PLA2G2E: variants seen among roughly 807,000 people sequenced by gnomAD.
PLA2G2E encodes the protein phospholipase A2 group IIE, also known as group IIE secretory phospholipase A2.
In PLA2G2E, 14 loss-of-function variants were observed where a neutral mutation model predicts 16.5. The ratio of observed to expected loss-of-function variants is 0.85; its 90% CI spans 0.56 to 1.33. PLA2G2E has a LOEUF of 1.33. Ranked by LOEUF, PLA2G2E falls within the 40% of genes most tolerant of loss-of-function variation. The pLI is 0.00. For missense variants in PLA2G2E, 174 were observed against 190.7 expected, an observed-to-expected ratio of 0.91 and a Z score of 0.52; for synonymous variants, 72 against 77.2, an observed-to-expected ratio of 0.93 and a Z score of 0.36.
chr1:19,920,508 C>G lies in PLA2G2E; in HGVS notation c.287-59G>C. On this transcript the variant is annotated intron_variant, in intron 3 of 3. Coordinates refer to ENST00000375116, the MANE Select transcript of PLA2G2E (RefSeq NM_014589.3). This position sits in a 1 kb window ranked among gnomAD's most constrained non-coding sequence, Gnocchi z 4.3. Reference sequence around the variant, plus strand: ...AGCTCAGGATATGTGTGGGACAGCTCTTGGCTGCTTCTGGGTCCACGTTCT... The same window carrying G: ...AGCTCAGGATATGTGTGGGACAGCTGTTGGCTGCTTCTGGGTCCACGTTCT... 5.1e-6 allele frequency: 8 copies of G among 1,560,320 alleles called. No individual in the cohort carries two copies. Among genetic ancestry groups the G allele is most frequent in the Non-Finnish European group, 6.1e-6 (7 of 1,146,240 alleles).
In PLA2G2E at chr1:19,923,526, G is replaced by A. The variant is rs2045835714; in HGVS notation, c.34C>T (p.Leu12Phe). The A allele has an allele frequency of 1.3e-6, 2 of 1,550,136 alleles. No individual in the cohort carries two copies. Among genetic ancestry groups the A allele is most frequent in the Admixed American group, 2.0e-5 (1 of 50,830 alleles). The change falls in exon 1 of 4, where the codon CTC (leucine) becomes TTC (phenylalanine). Residue 12 changes from leucine (L) to phenylalanine (F), a missense_variant. By Grantham distance (22) the Leu-to-Phe change is conservative. Coordinates refer to ENST00000375116, the MANE Select transcript of PLA2G2E (RefSeq NM_014589.3). The part of the protein sequence containing the change: ...KSPHVLVFLC[L>F]LVALVTGNLV... Reference sequence around the variant, plus strand: ...GGTCACAAAGATCACTTACCCAGGAGGCAAAGGAACACCAGCACGTGGGGA... The same window carrying A: ...GGTCACAAAGATCACTTACCCAGGAAGCAAAGGAACACCAGCACGTGGGGA...
At position 19,920,285 on chromosome 1, in the gene PLA2G2E, G is replaced by C. The variant is rs572386401; in HGVS notation, c.*22C>G. 170 of 1,585,158 alleles carry C rather than the reference G, an allele frequency of 1.1e-4. No homozygotes were observed. The highest frequency in any genetic ancestry group is 1.9e-4 in the African/African-American group (14 of 74,246). On this transcript the variant is annotated 3_prime_UTR_variant, in exon 4 of 4. Coordinates refer to ENST00000375116, the MANE Select transcript of PLA2G2E (RefSeq NM_014589.3). The surrounding 1 kb of genome is among the most constrained non-coding windows in gnomAD (Gnocchi z 4.3). Reference sequence around the variant, plus strand: ...AGCCCGAGGCGGGACCTCCAGGGACGGGGGGGAGGCCGAGCATAGCCTCAG... The same window carrying C: ...AGCCCGAGGCGGGACCTCCAGGGACCGGGGGGAGGCCGAGCATAGCCTCAG...
In PLA2G2E at chr1:19,922,304, A is replaced by C. The variant is rs1229427351; in HGVS notation, c.280T>G (p.Phe94Val). ...TTCAGGGCTCTCCACCTACCGCAGA[A>C]AATGCCACGTTCGCTGACAGAGAAA... Reference protein sequence around the residue: ...YLFSVSERGIFCAGRTTCQRL... With the variant: ...YLFSVSERGIVCAGRTTCQRL... Residue 94 changes from phenylalanine to valine, a missense_variant, in exon 3 of 4, where the codon TTC becomes GTC. Physicochemically the swap from Phe to Val is conservative, Grantham distance 50 (BLOSUM62 -1). Coordinates refer to ENST00000375116, the MANE Select transcript of PLA2G2E (RefSeq NM_014589.3). 2 of 1,613,368 alleles carry C rather than the reference A, an allele frequency of 1.2e-6. No homozygotes were observed.
In PLA2G2E at chr1:19,922,313, G is replaced by A. The variant is rs559232898; in HGVS notation, c.271C>T (p.Arg91Cys). Residue 91 changes from arginine (R) to cysteine (C), a missense_variant, in exon 3 of 4, where the codon CGT becomes TGT. By Grantham distance (180) the Arg-to-Cys change is radical. Transcript: ENST00000375116. ...LEKYLFSVSE[R>C]GIFCAGRTTC... ...CTCCACCTACCGCAGAAAATGCCAC[G>A]TTCGCTGACAGAGAAAAGATACTTT... The A allele has an allele frequency of 6.8e-6, 11 of 1,613,626 alleles. No individual in the cohort carries two copies. Among genetic ancestry groups the A allele is most frequent in the Middle Eastern group, 1.7e-4 (1 of 6,060 alleles).
intron 3 of PLA2G2E, 25 bp downstream of exon 3, chr1:19,922,273 G>A: frequency 2.6e-6 from 4 of 1,545,440 alleles, no homozygotes; most frequent in East Asian, 2.2e-5. Context: ...AGGGTGTCTA[G>A]GTCACTTCAG....
chr1:19,921,263 T>C (rs1015908325), intron 3 of PLA2G2E, among the ~76,000 whole-genome samples: 12 of 152,186 alleles, frequency 7.9e-5, no homozygotes, highest in Non-Finnish European at 1.0e-4. Flanking sequence ...TGGAAGGGAC[T>C]CTTAACGCCG....
In PLA2G2E at chr1:19,920,345, G is replaced by A; in HGVS notation, c.391C>T (p.Pro131Ser). The A allele has an allele frequency of 6.2e-7, 1 of 1,613,502 alleles. No individual in the cohort carries two copies. The highest frequency in any genetic ancestry group is 8.5e-7 in the Non-Finnish European group (1 of 1,179,848). The change falls in exon 4 of 4, where the codon CCC becomes TCC. Residue 131 changes from proline to serine, a missense_variant. Coordinates refer to ENST00000375116, the MANE Select transcript of PLA2G2E (RefSeq NM_014589.3). The surrounding 1 kb of genome is among the most constrained non-coding windows in gnomAD (Gnocchi z 4.3). Reference sequence around the variant, plus strand: ...GTGGGCCCGGTGCACAGCTTGTTGGGATAATGGGCATATTTGCGGTTGTAG... The same window carrying A: ...GTGGGCCCGGTGCACAGCTTGTTGGAATAATGGGCATATTTGCGGTTGTAG... The part of the protein sequence containing the change: ...GTYNRKYAHY[P>S]NKLCTGPTPP...
intron 1 of PLA2G2E, 94 bp from the exon 2 acceptor site, chr1:19,922,849 T>G: frequency 7.0e-7 from 1 of 1,436,408 alleles, no homozygotes; most frequent in Non-Finnish European, 9.5e-7. Flanking sequence ...CAGGCATCTC[T>G]CCAGTTGTCC....
chr1:19,920,283 A>AC lies in PLA2G2E; in HGVS notation c.*23dup. On this transcript the variant is annotated 3_prime_UTR_variant, in exon 4 of 4. Transcript: ENST00000375116. This position sits in a 1 kb window ranked among gnomAD's most constrained non-coding sequence, Gnocchi z 4.3. ...GCAGCCCGAGGCGGGACCTCCAGGG[A>AC]CGGGGGGGAGGCCGAGCATAGCCTC... 5.0e-6 allele frequency: 8 copies of AC among 1,599,178 alleles called. No individual in the cohort carries two copies. Among genetic ancestry groups the AC allele is most frequent in the Non-Finnish European group, 6.8e-6 (8 of 1,170,538 alleles).
intron 1 of PLA2G2E, 151 bp downstream of exon 1, chr1:19,923,369 A>C: frequency 1.5e-6 from 1 of 650,426 alleles, no homozygotes; most frequent in Non-Finnish European, 2.6e-6. Context: ...CTCAGGCAAA[A>C]CTGGCCTCAG....
In PLA2G2E at chr1:19,920,321, T is replaced by G; in HGVS notation, c.415A>C (p.Thr139Pro). The change falls in exon 4 of 4, where the codon ACC becomes CCC. Residue 139 changes from threonine to proline, a missense_variant. Thr to Pro is a conservative substitution (Grantham distance 38). Transcript: ENST00000375116. The surrounding 1 kb of genome is among the most constrained non-coding windows in gnomAD (Gnocchi z 4.3). ...CGAGCATAGCCTCAGCAGGGCGGGG[T>G]GGGCCCGGTGCACAGCTTGTTGGGA... Reference protein sequence around the residue: ...HYPNKLCTGPTPPC With the variant: ...HYPNKLCTGPPPPC 6.2e-7 allele frequency: 1 copy of G among 1,611,286 alleles called. No homozygotes were observed. The highest frequency in any genetic ancestry group is 8.5e-7 in the Non-Finnish European group (1 of 1,179,388).
Position 19,920,742 on chromosome 1 carries a change from C to A in PLA2G2E, c.287-293G>T, listed in dbSNP as rs1233836557. Among the ~76,000 whole-genome samples the A allele has an allele frequency of 6.6e-6, 1 of 152,174 alleles. No homozygotes were observed. Among genetic ancestry groups the A allele is most frequent in the African/African-American group, 2.4e-5 (1 of 41,460 alleles). ...TTAGGGACACCACGTGGTTCCCTAA[C>A]TCTCACTGCCCCCGACCAGGGGGAT... is the stretch of plus-strand genomic sequence containing the variant. On this transcript the variant is annotated intron_variant, in intron 3 of 3. Transcript: ENST00000375116. This position sits in a 1 kb window ranked among gnomAD's most constrained non-coding sequence, Gnocchi z 4.3.
chr1:19,922,787 G>GGGCCCCACCCTCTGCAGCCAA, intron 1 of PLA2G2E, 32 bp from the exon 2 acceptor site: 2 of 1,611,566 alleles, frequency 1.2e-6, no homozygotes, highest in Non-Finnish European at 1.7e-6. Context: ...GGGAGAGGGA[G>GGGCCCCACCCTCTGCAGCCAA]GGCCCCACCC....
At chr1:19,923,264 C>G (rs996366694) in intron 1 of PLA2G2E, among the ~76,000 whole-genome samples, 1 of 152,202 alleles carries the variant, frequency 6.6e-6, no homozygotes, top group Non-Finnish European at 1.5e-5. Flanking sequence ...GAGAAGGAGC[C>G]TAGGGTGTGC....
chr1:19,922,757 T>C lies in PLA2G2E; in HGVS notation c.41-2A>G. Reference sequence around the variant, plus strand: ...CCAGGTTCCCGGTGACCAGAGCCACTGCAGAGAGGGAGAGGGAGAGGGAGA... The same window carrying C: ...CCAGGTTCCCGGTGACCAGAGCCACCGCAGAGAGGGAGAGGGAGAGGGAGA... On this transcript the variant is annotated splice_acceptor_variant, in intron 1 of 3. Coordinates refer to ENST00000375116, the MANE Select transcript of PLA2G2E (RefSeq NM_014589.3). LOFTEE classifies it high-confidence loss of function. 1.2e-6 allele frequency: 2 copies of C among 1,605,270 alleles called. No individual in the cohort carries two copies. Among genetic ancestry groups the C allele is most frequent in the Admixed American group, 1.7e-5 (1 of 59,446 alleles).
chr1:19,922,760 AGAGAGGGAGAGG>A lies in PLA2G2E; in HGVS notation c.41-17_41-6del, dbSNP rs149881596. On this transcript the variant is annotated splice_polypyrimidine_tract_variant and splice_region_variant and intron_variant, in intron 1 of 3. Transcript: ENST00000375116. ...GGTTCCCGGTGACCAGAGCCACTGC[AGAGAGGGAGAGG>A]GAGAGGGAGAGGGAGGGCCCCACCC... is the stretch of plus-strand genomic sequence containing the variant. The A allele has an allele frequency of 3.8e-5, 62 of 1,611,944 alleles. No individual in the cohort carries two copies. The highest frequency in any genetic ancestry group is 2.9e-4 in the East Asian group (13 of 44,870).
intron 3 of PLA2G2E, among the ~76,000 whole-genome samples, chr1:19,921,927 CT>C (rs745641132): frequency 3.9e-5 from 6 of 152,270 alleles, no homozygotes; most frequent in Non-Finnish European, 7.3e-5. Context: ...CCAGCTCGTT[CT>C]GTCCGAAGGA....
Position 19,920,599 on chromosome 1 carries a change from CAAG to C in PLA2G2E, c.287-153_287-151del. 1 of 738,296 alleles carries C rather than the reference CAAG, an allele frequency of 1.4e-6. No individual in the cohort carries two copies. The highest frequency in any genetic ancestry group is 2.7e-5 in the East Asian group (1 of 37,030). 45.7% of individuals were successfully genotyped at this position (738,296 alleles called of 1,614,324 possible). On this transcript the variant is annotated intron_variant, in intron 3 of 3. Coordinates refer to ENST00000375116, the MANE Select transcript of PLA2G2E (RefSeq NM_014589.3). This position sits in a 1 kb window ranked among gnomAD's most constrained non-coding sequence, Gnocchi z 4.3. The stretch of plus-strand genomic sequence containing the variant: ...CGGGTTGTTTCACGGATGGGTGAGA[CAAG>C]AGACAAGGGCGGGGCGCACTGTGGC...
rs903282740 is a variant in PLA2G2E at position 19,920,575 on chromosome 1, G to A, written c.287-126C>T. On this transcript the variant is annotated intron_variant, in intron 3 of 3. Transcript: ENST00000375116. The surrounding 1 kb of genome is among the most constrained non-coding windows in gnomAD (Gnocchi z 4.3). Reference sequence around the variant, plus strand: ...CATTCTGATGGAAGCCCAAGCTCCCGGGTTGTTTCACGGATGGGTGAGACA... The same window carrying A: ...CATTCTGATGGAAGCCCAAGCTCCCAGGTTGTTTCACGGATGGGTGAGACA... 36 of 970,998 alleles carry A rather than the reference G, an allele frequency of 3.7e-5. No homozygotes were observed. Among genetic ancestry groups the A allele is most frequent in the Non-Finnish European group, 1.1e-5 (7 of 661,982 alleles). 60.1% of individuals were successfully genotyped at this position (970,998 alleles called of 1,614,324 possible). A position where few individuals can be genotyped will look rare whatever the true frequency, so the allele number is the denominator to read the frequency against.
Sources: gnomAD v4.1 joint callset for allele counts (sites outside exome capture counted in the v4.1 genomes callset) on GRCh38, gnomAD v4.1.1 for gene constraint, Gnocchi (gnomAD v3.1) non-coding constraint, MANE v1.5 for transcripts, NCBI Gene and HGNC (gene_info 2026-07-23, HGNC 2026-07-21) for gene names.